THSD4: variants seen among roughly 807,000 people sequenced by gnomAD.
The protein encoded by THSD4 is thrombospondin type-1 domain-containing protein 4.
Under a neutral mutation model 119.0 loss-of-function variants are expected in THSD4, and 69 were observed. The ratio of observed to expected loss-of-function variants is 0.58; its 90% confidence interval spans 0.48 to 0.71. The LOEUF is 0.71. Ranked by LOEUF, THSD4 falls within the 30% of genes least tolerant of loss-of-function variation. The pLI, the probability that THSD4 is intolerant of heterozygous loss-of-function variation, is 0.00. For synonymous variants in THSD4, 524 were observed against 540.4 expected, an observed-to-expected ratio of 0.97 and a Z score of 0.42; for missense variants, 1,393 against 1,391.1, an observed-to-expected ratio of 1.00 and a Z score of -0.02.
chr15:71,308,514 A>G (rs1267077101), intron 6 of THSD4, among the ~76,000 whole-genome samples: 1 of 152,064 alleles, frequency 6.6e-6, no homozygotes, highest in Non-Finnish European at 1.5e-5. Context: ...TACTGAGGTA[A>G]AATTCATAGA....
intron 7 of THSD4, among the ~76,000 whole-genome samples, chr15:71,644,964 T>C (rs2050938809): frequency 6.6e-6 from 1 of 152,208 alleles, no homozygotes; most frequent in Admixed American, 6.5e-5. Flanking sequence ...TATGGATTTA[T>C]AGCCTGCCCC....
At chr15:71,536,762 C>G (rs2048693682) in intron 7 of THSD4, among the ~76,000 whole-genome samples, 1 of 151,958 alleles carries the variant, frequency 6.6e-6, no homozygotes, top group Admixed American at 6.6e-5. Context: ...TTATAGTGAC[C>G]ATGATGTAGA....
At chr15:71,732,236 G>C (rs991837414) in intron 10 of THSD4, 7 of 152,152 alleles carry the variant, frequency 4.6e-5, no homozygotes, top group Non-Finnish European at 7.3e-5. Context: ...ATCTTTAGGG[G>C]GCCATTATCT....
At chr15:71,584,262 C>CTTTTTTTTTTTTTTTTT (rs71154789) in intron 7 of THSD4, among the ~76,000 whole-genome samples, 1 of 61,802 alleles carries the variant, frequency 1.6e-5, no homozygotes, top group Non-Finnish European at 2.7e-5. Flanking sequence ...TTTTCACTTT[C>CTTTTTTTTTTTTTTTTT]TTTTTTTTTT....
chr15:71,775,254 G>T (rs2140254921), intron 17 of THSD4, among the ~76,000 whole-genome samples: 1 of 152,026 alleles, frequency 6.6e-6, no homozygotes, highest in South Asian at 2.1e-4. Context: ...AAAAGAAGAT[G>T]GTAGATATTA....
intron 7 of THSD4, among the ~76,000 whole-genome samples, chr15:71,507,391 T>G (rs1355005172): frequency 6.6e-6 from 1 of 152,202 alleles, no homozygotes; most frequent in Non-Finnish European, 1.5e-5. Context: ...AGATTTTGAG[T>G]TGTTTGCTCT....
At chr15:71,592,030 C>A (rs951274895) in intron 7 of THSD4, among the ~76,000 whole-genome samples, 1 of 152,082 alleles carries the variant, frequency 6.6e-6, no homozygotes, top group African/African-American at 2.4e-5. Context: ...GAAAAGAGAG[C>A]TGGGGGATTA....
At chr15:71,756,785 C>T (rs1165369516) in intron 14 of THSD4, among the ~76,000 whole-genome samples, 3 of 151,582 alleles carry the variant, frequency 2.0e-5, no homozygotes, top group African/African-American at 7.3e-5. Context: ...GAACCTGTCT[C>T]GAAAAAAAGA....
Position 71,491,451 on chromosome 15 carries a change from G to T in THSD4, c.1152+79628G>T, listed in dbSNP as rs1034885141. Among the ~76,000 whole-genome samples the T allele has an allele frequency of 2.0e-5, 3 of 152,202 alleles. No homozygotes were observed. In the East Asian group the frequency reaches 5.8e-4, roughly 29 times the overall value. ...ATAAGAGAGAGACCTAAGCTAGCAC[G>T]CTCAGCCCCCTCACCACATGATACC... On this transcript the variant is annotated intron_variant, in intron 7 of 17. Transcript: ENST00000261862.
intron 7 of THSD4, among the ~76,000 whole-genome samples, chr15:71,588,333 A>G (rs2049726657): frequency 6.7e-6 from 1 of 149,408 alleles, no homozygotes; most frequent in Admixed American, 6.7e-5. Flanking sequence ...GAATCTTGTC[A>G]TTGGGAAAAG....
At chr15:71,439,328 A>C (rs1231725795) in intron 7 of THSD4, among the ~76,000 whole-genome samples, 1 of 152,134 alleles carries the variant, frequency 6.6e-6, no homozygotes, top group African/African-American at 2.4e-5. Flanking sequence ...TTCTATTTTC[A>C]CAATTCCCAG....
chr15:71,102,141 A>G (rs141977497), intron 1 of THSD4, among the ~76,000 whole-genome samples: 1,718 of 152,224 alleles, frequency 0.011, 34 homozygotes, highest in African/African-American at 0.038. Flanking sequence ...TTTATCTTTG[A>G]TTGCTTTCAG....
At chr15:71,295,034 G>A (rs3743111) in intron 6 of THSD4, among the ~76,000 whole-genome samples, 86,559 of 151,526 alleles carry the variant, frequency 0.57, 25,473 homozygotes, top group East Asian at 0.72. Flanking sequence ...GGTGAGTGGC[G>A]CTTGCGTCAG....
chr15:71,528,619 G>C lies in THSD4; in HGVS notation c.1152+116796G>C, dbSNP rs550506620. On this transcript the variant is annotated intron_variant, in intron 7 of 17. Transcript: ENST00000261862. ...CTTATAGAGGAGGCACTGTATAAAG[G>C]TTCTTTTCCTTGCCTCCCTGCATCC... 4.9e-4 allele frequency among the ~76,000 whole-genome samples: 74 copies of C among 152,258 alleles called. 2 individuals are homozygous for C. In the South Asian group the frequency reaches 0.013, roughly 28 times the overall value.
chr15:71,610,237 A>G (rs1375856083), intron 7 of THSD4, among the ~76,000 whole-genome samples: 1 of 152,180 alleles, frequency 6.6e-6, no homozygotes, highest in Non-Finnish European at 1.5e-5. Context: ...CCATGGTGGC[A>G]TTTTGCCCAG....
At chr15:71,341,229 C>G (rs1363887133) in intron 6 of THSD4, 1 of 1,592,630 alleles carries the variant, frequency 6.3e-7, no homozygotes, top group African/African-American at 1.3e-5. Flanking sequence ...GCAACCTCCT[C>G]TTCTGGTTTA....
rs1227821409 is a variant in THSD4, at chr15:71,442,688, A to G, written c.1152+30865A>G. Among the ~76,000 whole-genome samples the G allele has an allele frequency of 2.2e-3, 256 of 114,024 alleles. 22 individuals are homozygous for G. Among genetic ancestry groups the G allele is most frequent in the Middle Eastern group, 8.1e-3 (2 of 246 alleles). 74.8% of individuals were successfully genotyped at this position (114,024 alleles called of 152,430 possible). A position where few individuals can be genotyped will look rare whatever the true frequency, so the allele number is the denominator to read the frequency against. ...TATATATATATATATATATATATATATATATATATATATATGAAGGGAGGA... is the reference window on the plus strand; with the variant it reads ...TATATATATATATATATATATATATGTATATATATATATATGAAGGGAGGA... On this transcript the variant is annotated intron_variant, in intron 7 of 17. Coordinates refer to ENST00000261862, the MANE Select transcript of THSD4 (RefSeq NM_024817.3).
At chr15:71,355,825 G>C (rs757857697) in intron 6 of THSD4, among the ~76,000 whole-genome samples, 1 of 151,940 alleles carries the variant, frequency 6.6e-6, no homozygotes, top group Non-Finnish European at 1.5e-5. Context: ...TTGAGTCTTA[G>C]AGTAACTCTT....
chr15:71,309,814 A>C (rs2045086051), intron 6 of THSD4, among the ~76,000 whole-genome samples: 1 of 152,144 alleles, frequency 6.6e-6, no homozygotes, highest in African/African-American at 2.4e-5. Context: ...TTTCTTTCTT[A>C]ATAAAAAGAT....
Sources: gnomAD v4.1 joint callset for allele counts (sites outside exome capture counted in the v4.1 genomes callset) on GRCh38, gnomAD v4.1.1 for gene constraint, MANE v1.5 for transcripts, NCBI Gene and HGNC (gene_info 2026-07-23, HGNC 2026-07-21) for gene names.